The following DDX49 variants were observed in gnomAD, a reference collection of about 807,000 sequenced individuals.
DDX49 encodes the protein probable ATP-dependent RNA helicase DDX49.
Under a neutral mutation model 56.3 loss-of-function variants are expected in DDX49, and 50 were observed. That is an observed-to-expected ratio of 0.89 (90% confidence interval 0.71 to 1.12). DDX49 has a LOEUF of 1.12. Ranked by LOEUF, DDX49 falls within the 50% of genes most tolerant of loss-of-function variation. The probability of loss-of-function intolerance (pLI) is 0.00; values close to 1 mark genes in which losing one functional copy is unlikely to be tolerated. For synonymous variants in DDX49, 269 were observed against 270.6 expected (o/e 0.99, Z 0.06); for missense variants, 614 against 650.5 (o/e 0.94, Z 0.61).
At chr19:18,926,760 A>T (rs975909948) in intron 10 of DDX49, among the ~76,000 whole-genome samples, 3 of 152,198 alleles carry the variant, frequency 2.0e-5, no homozygotes, top group African/African-American at 7.2e-5. Context: ...CACTGCATAG[A>T]CTGTCCTGAA....
chr19:18,925,943 C>T (rs188420521), intron 9 of DDX49, among the ~76,000 whole-genome samples: 330 of 152,304 alleles, frequency 2.2e-3, no homozygotes, highest in Non-Finnish European at 3.9e-3. Flanking sequence ...AGTGCAGTTT[C>T]GGCCCTAGTC....
At chr19:18,924,396 C>T in intron 7 of DDX49, 88 bp downstream of exon 7, 3 of 1,379,752 alleles carry the variant, frequency 2.2e-6, no homozygotes, top group Non-Finnish European at 3.1e-6. Context: ...CTGCCGGGCG[C>T]CTTCTTCCTG....
rs1295788323 is a variant in DDX49 at position 18,920,625 on chromosome 19, C to G, written c.161C>G (p.Ala54Gly). The G allele has an allele frequency of 6.2e-7, 1 of 1,611,330 alleles. No individual in the cohort carries two copies. The highest frequency in any genetic ancestry group is 8.5e-7 in the Non-Finnish European group (1 of 1,177,792). The change falls in exon 2 of 13, where the codon GCA becomes GGA. Residue 54 changes from alanine (A) to glycine (G), a missense_variant. Transcript: ENST00000247003. ...GCTAAGACAGGCAGTGGGAAGACAGCAGCGTTTGTCCTTCCCATCTTGCAG... is the reference window on the plus strand; with the variant it reads ...GCTAAGACAGGCAGTGGGAAGACAGGAGCGTTTGTCCTTCCCATCTTGCAG... ...GCAKTGSGKTAAFVLPILQKL... is the reference protein window; with the variant it reads ...GCAKTGSGKTGAFVLPILQKL...
chr19:18,919,889 C>G, intron 1 of DDX49, 33 bp downstream of exon 1: 6 of 1,457,220 alleles, frequency 4.1e-6, no homozygotes, highest in Non-Finnish European at 5.7e-6. Flanking sequence ...CCCAAGAGGC[C>G]TCTCCGCTCC....
At chr19:18,921,509 A>G (rs547369902) in intron 2 of DDX49, among the ~76,000 whole-genome samples, 154 bp from the exon 3 acceptor site, 3 of 152,278 alleles carry the variant, frequency 2.0e-5, no homozygotes, top group East Asian at 1.9e-4. Context: ...AGGGGCCACA[A>G]TGGCCTCCAA....
At chr19:18,923,023 C>T (rs1267978513) in intron 6 of DDX49, among the ~76,000 whole-genome samples, 2 of 152,176 alleles carry the variant, frequency 1.3e-5, no homozygotes, top group South Asian at 2.1e-4. Context: ...ACTGAGCTTT[C>T]CTGGGCCTTT....
At chr19:18,920,808 T>C (rs1568327715) in intron 2 of DDX49, 105 bp downstream of exon 2, 1 of 1,234,524 alleles carries the variant, frequency 8.1e-7, no homozygotes, top group Non-Finnish European at 1.1e-6. Context: ...GAGATGAGCA[T>C]GAAAATCTTG....
chr19:18,922,441 C>T lies in DDX49; in HGVS notation c.563C>T (p.Thr188Met). 2.5e-6 allele frequency: 4 copies of T among 1,605,804 alleles called. No homozygotes were observed. Among genetic ancestry groups the T allele is most frequent in the Non-Finnish European group, 2.5e-6 (3 of 1,178,356 alleles). The change falls in exon 5 of 13, where the codon ACG (threonine) becomes ATG (methionine). Residue 188 changes from threonine (T) to methionine (M), a missense_variant. Thr to Met is a moderately conservative substitution (Grantham distance 81). Transcript: ENST00000247003. The stretch of plus-strand genomic sequence containing the variant: ...AGGCAGACACTGCTGTTCAGCGCCA[C>T]GCTGACCGACACACTCCGGGAGCTG... ...ARRQTLLFSA[T>M]LTDTLRELQG...
In DDX49 at chr19:18,922,387, A is replaced by G; in HGVS notation, c.509A>G (p.Glu170Gly). Residue 170 changes from glutamate to glycine, a missense_variant, in exon 5 of 13, where the codon GAG (glutamate) becomes GGG (glycine). By Grantham distance (98) the Glu-to-Gly change is moderately conservative. Coordinates refer to ENST00000247003, the MANE Select transcript of DDX49 (RefSeq NM_019070.5). ...QGCTDFTVDL[E>G]AILAAVPARR... is the part of the protein sequence containing the mutation. ...TGCACTGACTTCACCGTGGACCTGGAGGCCATCCTGGCGGCTGTGCCGGCC... is the reference window on the plus strand; with the variant it reads ...TGCACTGACTTCACCGTGGACCTGGGGGCCATCCTGGCGGCTGTGCCGGCC... 6.2e-7 allele frequency: 1 copy of G among 1,611,912 alleles called. No homozygotes were observed. Among genetic ancestry groups the G allele is most frequent in the Admixed American group, 1.7e-5 (1 of 59,860 alleles).
chr19:18,927,387 A>C (rs1427504527), intron 10 of DDX49, among the ~76,000 whole-genome samples: 1 of 152,178 alleles, frequency 6.6e-6, no homozygotes, highest in African/African-American at 2.4e-5. Context: ...AAAAAAAAGA[A>C]AGAAATATCT....
chr19:18,927,965 A>C lies in DDX49; in HGVS notation c.1192A>C (p.Lys398Gln). ...VNVVRRECEI[K>Q]LEAAHFDEKK... ...TCCTTACCCCACTTCCCTCCACCAG[A>C]AACTGGAGGCGGCCCACTTTGACGA... Residue 398 changes from lysine to glutamine, a missense_variant and splice_region_variant, in exon 12 of 13, where the codon AAA (lysine) becomes CAA (glutamine). By Grantham distance (53) the Lys-to-Gln change is moderately conservative. Coordinates refer to ENST00000247003, the MANE Select transcript of DDX49 (RefSeq NM_019070.5). The C allele has an allele frequency of 1.2e-6, 2 of 1,613,948 alleles. No homozygotes were observed. Among genetic ancestry groups the C allele is most frequent in the East Asian group, 2.2e-5 (1 of 44,820 alleles).
chr19:18,924,512 A>G, intron 7 of DDX49, 111 bp from the exon 8 acceptor site: 2 of 1,289,442 alleles, frequency 1.6e-6, no homozygotes, highest in East Asian at 2.3e-5. Flanking sequence ...TCTCATGGCC[A>G]CCTTCCTCAA....
At chr19:18,921,642 C>A in intron 2 of DDX49, 21 bp from the exon 3 acceptor site, 2 of 1,612,904 alleles carry the variant, frequency 1.2e-6, no homozygotes, top group South Asian at 2.2e-5. Context: ...CTGACCCAGC[C>A]TGGCCCCTTC....
chr19:18,928,049 C>T lies in DDX49; in HGVS notation c.1263+13C>T, dbSNP rs199556752. 2.3e-5 allele frequency: 37 copies of T among 1,613,524 alleles called. No homozygotes were observed. The highest frequency in any genetic ancestry group is 3.1e-5 in the Non-Finnish European group (36 of 1,179,924). On this transcript the variant is annotated intron_variant, in intron 12 of 12. Transcript: ENST00000247003. ...CCTGGAGGGGAAGGTGAGGGCCGAG[C>T]CCGCAGGTAGGGGGTGGGTGGCCAG...
chr19:18,924,958 G>A lies in DDX49; in HGVS notation c.1006G>A (p.Val336Ile). The A allele has an allele frequency of 6.2e-7, 1 of 1,611,944 alleles. No homozygotes were observed. The highest frequency in any genetic ancestry group is 8.5e-7 in the Non-Finnish European group (1 of 1,179,972). ...GCTCCCCAAGATCTACATCCACCGA[G>A]TCGGCCGGACGGCCCGTGCAGGTGA... ...PGLPKIYIHR[V>I]GRTARAGRQG... The change falls in exon 9 of 13, where the codon GTC becomes ATC. Residue 336 changes from valine (V) to isoleucine (I), a missense_variant. By Grantham distance (29) the Val-to-Ile change is conservative. Coordinates refer to ENST00000247003, the MANE Select transcript of DDX49 (RefSeq NM_019070.5).
chr19:18,926,519 G>T, intron 10 of DDX49, 142 bp downstream of exon 10: 1 of 851,200 alleles, frequency 1.2e-6, no homozygotes, highest in Non-Finnish European at 1.8e-6. Context: ...CCTTCCCTAG[G>T]CACCCCCAAA....
chr19:18,925,019 C>T, intron 9 of DDX49, 40 bp downstream of exon 9: 1 of 1,595,428 alleles, frequency 6.3e-7, no homozygotes, highest in Non-Finnish European at 8.5e-7. Flanking sequence ...GGGCCTCTGT[C>T]CCTCCAGCCT....
rs756399343 is a variant in DDX49, at chr19:18,924,641, C to A, written c.871C>A (p.Leu291Ile). ...MMKQKERFAALAKFKSSIYRI... is the reference protein window; with the variant it reads ...MMKQKERFAAIAKFKSSIYRI... ...TGTGCAGAAAGAACGCTTTGCCGCC[C>A]TAGCCAAGTTCAAGTCCAGCATCTA... The change falls in exon 8 of 13, where the codon CTA becomes ATA. Residue 291 changes from leucine (L) to isoleucine (I), a missense_variant. By Grantham distance (5) the Leu-to-Ile change is conservative (BLOSUM62 2). Coordinates refer to ENST00000247003, the MANE Select transcript of DDX49 (RefSeq NM_019070.5). 5 of 1,614,212 alleles carry A rather than the reference C, an allele frequency of 3.1e-6. No individual in the cohort carries two copies. In the Admixed American group the frequency reaches 6.7e-5, roughly 22 times the overall value.
In DDX49 at chr19:18,922,340, A is replaced by T; in HGVS notation, c.462A>T (p.Ala154=). Reference sequence around the variant, plus strand: ...TGGCACGGCAGGTGATGGATGAGGCAGACCGGCTGCTGGAACAGGGCTGCA... The same window carrying T: ...TGGCACGGCAGGTGATGGATGAGGCTGACCGGCTGCTGGAACAGGGCTGCA... ...KKIRFLVMDE[A]DRLLEQGCTD... The change falls in exon 5 of 13, where the codon GCA becomes GCT. Residue 154 remains alanine, a synonymous_variant. Transcript: ENST00000247003. The T allele has an allele frequency of 6.2e-7, 1 of 1,611,136 alleles. No individual in the cohort carries two copies.
Sources: gnomAD v4.1 joint callset for allele counts (sites outside exome capture counted in the v4.1 genomes callset) on GRCh38, gnomAD v4.1.1 for gene constraint, MANE v1.5 for transcripts, NCBI Gene and HGNC (gene_info 2026-07-23, HGNC 2026-07-21) for gene names.